CEP83: variants seen among roughly 807,000 people sequenced by gnomAD.
The protein encoded by CEP83 is centrosomal protein 83, also known as centrosomal protein of 83 kDa.
Under a neutral mutation model 101.9 loss-of-function variants are expected in CEP83, and 70 were observed. That is an observed-to-expected ratio of 0.69 (90% CI 0.57 to 0.84). The LOEUF is 0.84. Among genes scored for constraint, CEP83 ranks in the 40% least tolerant of loss-of-function variants. The probability of loss-of-function intolerance (pLI) is 0.00; values close to 1 mark genes in which losing one functional copy is unlikely to be tolerated. For synonymous variants in CEP83, 264 were observed against 267.9 expected, an observed-to-expected ratio of 0.99 and a Z score of 0.14; for missense variants, 715 against 787.2, an observed-to-expected ratio of 0.91 and a Z score of 1.10.
intron 13 of CEP83, among the ~76,000 whole-genome samples, chr12:94,332,794 G>A (rs893780482): frequency 3.3e-5 from 5 of 152,104 alleles, no homozygotes; most frequent in African/African-American, 1.2e-4. Flanking sequence ...AAAAACTGAA[G>A]AAATACAGTT....
At position 94,406,210 on chromosome 12, in the gene CEP83, A is replaced by G. The variant is rs145913206; in HGVS notation, c.325-2948T>C. Among the ~76,000 whole-genome samples, 261 of 152,210 alleles carry G rather than the reference A, an allele frequency of 1.7e-3. 2 individuals carry two copies. In the East Asian group the frequency reaches 0.027, roughly 16 times the overall value. On this transcript the variant is annotated intron_variant, in intron 4 of 16. Transcript: ENST00000397809. ...TTCCAAATAATTTAACTGTGTCCCA[A>G]AATAAAGCTCAAGAACATGTATCAG...
chr12:94,443,997 C>T (rs1464198128), intron 1 of CEP83, among the ~76,000 whole-genome samples: 2 of 152,200 alleles, frequency 1.3e-5, no homozygotes, highest in Admixed American at 6.5e-5. Flanking sequence ...GTGAATCCTA[C>T]TCTCCCATAG....
intron 11 of CEP83, among the ~76,000 whole-genome samples, chr12:94,342,874 C>T (rs1456670084): frequency 2.0e-5 from 3 of 151,604 alleles, no homozygotes; most frequent in Non-Finnish European, 4.4e-5. Context: ...ATATTCTGTA[C>T]CAAATACCAT....
the CEP83 span, among the ~76,000 whole-genome samples, chr12:94,289,366 T>C: frequency 1.3e-5 from 2 of 152,348 alleles, no homozygotes; most frequent in East Asian, 3.9e-4. Context: ...GAATCGCTTG[T>C]TGTCACATCG....
intron 6 of CEP83, among the ~76,000 whole-genome samples, chr12:94,390,041 T>C (rs2062420397): frequency 1.3e-5 from 2 of 152,226 alleles, no homozygotes; most frequent in South Asian, 2.1e-4. Flanking sequence ...GGGTGGGGCA[T>C]AGCTGAACAA....
intron 11 of CEP83, among the ~76,000 whole-genome samples, chr12:94,343,261 T>C (rs1213541166): frequency 6.6e-6 from 1 of 151,886 alleles, no homozygotes; most frequent in Non-Finnish European, 1.5e-5. Flanking sequence ...AATGCGAACT[T>C]AAGAAGACAC....
intron 11 of CEP83, among the ~76,000 whole-genome samples, chr12:94,362,023 C>T (rs1360411072): frequency 6.6e-6 from 1 of 152,004 alleles, no homozygotes; most frequent in Non-Finnish European, 1.5e-5. Flanking sequence ...ATTTATCTGA[C>T]AAGGGATTAA....
chr12:94,335,883 G>C (rs946297183), intron 11 of CEP83: 7 of 493,610 alleles, frequency 1.4e-5, no homozygotes, highest in Non-Finnish European at 2.5e-5. Context: ...GGGGCATAGA[G>C]AGGATAAGAA....
chr12:94,323,239 G>C (rs2058826268), intron 14 of CEP83, among the ~76,000 whole-genome samples: 1 of 152,098 alleles, frequency 6.6e-6, no homozygotes, highest in African/African-American at 2.4e-5. Context: ...TGGAGTTGCA[G>C]TTGCTTTTGA....
intron 4 of CEP83, among the ~76,000 whole-genome samples, chr12:94,405,593 T>A (rs1434258225): frequency 6.6e-6 from 1 of 152,092 alleles, no homozygotes; most frequent in African/African-American, 2.4e-5. Context: ...CAAGATAGAA[T>A]AAGAGCCCAG....
intron 6 of CEP83, among the ~76,000 whole-genome samples, chr12:94,388,468 C>T (rs2062297324): frequency 6.6e-6 from 1 of 152,112 alleles, no homozygotes; most frequent in South Asian, 2.1e-4. Context: ...GGCTCAAAAA[C>T]TTCCTATTAG....
the CEP83 span, among the ~76,000 whole-genome samples, chr12:94,276,681 A>C: frequency 6.6e-6 from 1 of 152,132 alleles, no homozygotes; most frequent in Non-Finnish European, 1.5e-5. Context: ...ACATTTCTAG[A>C]AAAGGGAGGT....
intron 15 of CEP83, 72 bp downstream of exon 15, chr12:94,312,842 G>A (rs1012631511): frequency 3.2e-5 from 40 of 1,250,854 alleles, no homozygotes; most frequent in Admixed American, 1.5e-4. Context: ...AAGAAGGTAC[G>A]TTATACTTAG....
At chr12:94,333,045 C>CAAAAAAAAAAAAAAAAAAAAA (rs34900007) in intron 13 of CEP83, among the ~76,000 whole-genome samples, 2 of 73,174 alleles carry the variant, frequency 2.7e-5, no homozygotes, top group Admixed American at 1.6e-4. Flanking sequence ...ATTTTAAGAC[C>CAAAAAAAAAAAAAAAAAAAAA]AAAAAAAAAA....
chr12:94,409,105 C>A (rs1053645851), intron 4 of CEP83, among the ~76,000 whole-genome samples: 2 of 151,508 alleles, frequency 1.3e-5, no homozygotes, highest in East Asian at 3.9e-4. Context: ...CTTTCATAAA[C>A]CTTCATTGAA....
the CEP83 span, among the ~76,000 whole-genome samples, chr12:94,288,933 AAT>A: frequency 1.5e-4 from 23 of 152,192 alleles, 1 homozygote; most frequent in Admixed American, 1.5e-3. Context: ...TTTTTCTTTA[AAT>A]TATCACAATA....
intron 4 of CEP83, among the ~76,000 whole-genome samples, chr12:94,410,056 C>T (rs2063783838): frequency 6.6e-6 from 1 of 152,112 alleles, no homozygotes; most frequent in African/African-American, 2.4e-5. Context: ...TAGATGATTA[C>T]CAACTCTAAG....
At chr12:94,424,362 G>T (rs975384649) in intron 2 of CEP83, 5 of 1,614,016 alleles carry the variant, frequency 3.1e-6, no homozygotes, top group African/African-American at 1.3e-5. Flanking sequence ...ACTCCAGGGG[G>T]TGTCTTAATA....
intron 14 of CEP83, among the ~76,000 whole-genome samples, chr12:94,329,727 T>C (rs1433518207): frequency 6.6e-6 from 1 of 152,180 alleles, no homozygotes; most frequent in Admixed American, 6.5e-5. Context: ...TCTGAGTTCA[T>C]AGGTCATAAA....
Sources: allele counts gnomAD v4.1 joint callset (sites outside exome capture counted in the v4.1 genomes callset), GRCh38; gene constraint gnomAD v4.1.1; transcripts MANE v1.5; gene names NCBI Gene and HGNC (gene_info 2026-07-23, HGNC 2026-07-21).